HADHB: variants seen among roughly 807,000 people sequenced by gnomAD.
HADHB encodes the protein trifunctional enzyme subunit beta, mitochondrial.
HADHB carries 50 observed loss-of-function variants against 61.9 expected under a neutral mutation model. The ratio of observed to expected loss-of-function variants is 0.81; its 90% CI spans 0.64 to 1.02. The LOEUF is 1.02. Among genes scored for constraint, HADHB ranks in the 50% least tolerant of loss-of-function variants. The pLI, the probability that HADHB is intolerant of heterozygous loss-of-function variation, is 0.00. For synonymous variants in HADHB, 191 were observed against 201.6 expected (o/e 0.95, Z 0.45); for missense variants, 504 against 586.5 (o/e 0.86, Z 1.45).
intron 10 of HADHB, 147 bp from the exon 11 acceptor site, chr2:26,282,698 A>T (rs903681969): frequency 1.4e-6 from 1 of 700,444 alleles, no homozygotes. Context: ...TGATTTAATG[A>T]TGGATACAGT....
At chr2:26,261,034 C>T in intron 3 of HADHB, 1 of 1,517,286 alleles carries the variant, frequency 6.6e-7, no homozygotes, top group Non-Finnish European at 8.8e-7. Flanking sequence ...ACACTGGTTT[C>T]TGGTTGGCTC....
intron 1 of HADHB, among the ~76,000 whole-genome samples, chr2:26,246,493 C>A (rs1474661445): frequency 6.6e-6 from 1 of 151,990 alleles, no homozygotes; most frequent in Non-Finnish European, 1.5e-5. Context: ...GCGCACACCA[C>A]CACGCCGGGC....
chr2:26,285,255 C>T lies in HADHB; in HGVS notation c.1225-152C>T, dbSNP rs151041152. ...TGGACTCCTGACTTTTAATATTGACCTAGACTTACTTTCTTTTGCAGTAAA... is the reference window on the plus strand; with the variant it reads ...TGGACTCCTGACTTTTAATATTGACTTAGACTTACTTTCTTTTGCAGTAAA... On this transcript the variant is annotated intron_variant, in intron 14 of 15. Coordinates refer to ENST00000317799, the MANE Select transcript of HADHB (RefSeq NM_000183.3). 3,026 of 684,166 alleles carry T rather than the reference C, an allele frequency of 4.4e-3. 17 individuals carry two copies. Among genetic ancestry groups the T allele is most frequent in the Middle Eastern group, 0.011 (27 of 2,452 alleles). 42.4% of individuals were successfully genotyped at this position (684,166 alleles called of 1,614,324 possible).
intron 1 of HADHB, 87 bp downstream of exon 1, chr2:26,245,077 C>CT (rs1372544292): frequency 4.6e-6 from 1 of 216,848 alleles, no homozygotes; most frequent in Non-Finnish European, 9.6e-6. Flanking sequence ...CCGGTGCCCC[C>CT]GGCCCCCTCC....
rs569852035 is a variant in HADHB, at chr2:26,264,030, C to T, written c.209+551C>T. On this transcript the variant is annotated intron_variant, in intron 4 of 15. Transcript: ENST00000317799. ...GCCTTTTGTGCTTCTTTTCTGTCCC[C>T]GAGTGAAGGTTAGTCTATCCAAAAG... Among the ~76,000 whole-genome samples the T allele has an allele frequency of 7.9e-5, 12 of 152,110 alleles. No homozygotes were observed. The East Asian group carries it at 1.9e-3, about 24-fold the overall frequency.
Position 26,277,424 on chromosome 2 carries a change from C to T in HADHB, c.442+264C>T, listed in dbSNP as rs537065555. On this transcript the variant is annotated intron_variant, in intron 7 of 15. Coordinates refer to ENST00000317799, the MANE Select transcript of HADHB (RefSeq NM_000183.3). The stretch of plus-strand genomic sequence containing the variant: ...CTAATTTTTAAATTTTTTGTGGAGA[C>T]GGGATCTCGCCATGTTGCCCAGGCT... Among the ~76,000 whole-genome samples the T allele has an allele frequency of 5.9e-5, 9 of 151,738 alleles. No homozygotes were observed. The East Asian group carries it at 9.7e-4, about 16-fold the overall frequency.
intron 3 of HADHB, among the ~76,000 whole-genome samples, chr2:26,262,432 A>G (rs1039269135): frequency 2.6e-5 from 4 of 152,256 alleles, no homozygotes; most frequent in African/African-American, 4.8e-5. Flanking sequence ...TACACCAAAT[A>G]AACAGACTTT....
At position 26,284,218 on chromosome 2, in the gene HADHB, AAG is replaced by A; in HGVS notation, c.1149+16_1149+17del. ...GAAGCTTTCTCGGTAAGTAATTTGA[AAG>A]ACACATATGAAGGGACTATAGTCAT... On this transcript the variant is annotated intron_variant, in intron 13 of 15. Transcript: ENST00000317799. 7.5e-7 allele frequency: 1 copy of A among 1,324,838 alleles called. No homozygotes were observed. The highest frequency in any genetic ancestry group is 1.2e-5 in the South Asian group (1 of 85,306). The allele number at this position is 1,324,838 out of a possible 1,614,324, so 82.1% of individuals were successfully genotyped here. A position where few individuals can be genotyped will look rare whatever the true frequency, so the allele number is the denominator to read the frequency against.
At chr2:26,279,886 T>G (rs1574664123) in intron 9 of HADHB, 108 bp from the exon 10 acceptor site, 2 of 802,518 alleles carry the variant, frequency 2.5e-6, no homozygotes. Context: ...AGTGAATAGG[T>G]AAGGTTTATA....
Position 26,289,967 on chromosome 2 carries a change from A to G in HADHB, c.*14A>G, listed in dbSNP as rs1264224686. ...TATCCAAAATAATAGATCCAGAAGA[A>G]GTGACCTGAAGTTTCTGTGCAACAC... On this transcript the variant is annotated 3_prime_UTR_variant, in exon 16 of 16. Transcript: ENST00000317799. 1 of 1,576,618 alleles carries G rather than the reference A, an allele frequency of 6.3e-7. No individual in the cohort carries two copies.
At chr2:26,286,377 G>T (rs530664016) in intron 15 of HADHB, among the ~76,000 whole-genome samples, 14 of 152,260 alleles carry the variant, frequency 9.2e-5, no homozygotes, top group African/African-American at 3.4e-4. Flanking sequence ...CTGCTGTTCA[G>T]CTGGGGAAAT....
Position 26,263,465 on chromosome 2 carries a change from G to T in HADHB, c.195G>T (p.Leu65Phe), listed in dbSNP as rs1306632577. 6.2e-7 allele frequency: 1 copy of T among 1,601,570 alleles called. No homozygotes were observed. Among genetic ancestry groups the T allele is most frequent in the African/African-American group, 1.3e-5 (1 of 74,654 alleles). ...VVVDGVRTPF[L>F]LSGTSYKDLM... is the part of the protein sequence containing the mutation. ...TGGATGGTGTTCGCACTCCATTTTT[G>T]CTGTCTGGCACTTCGTAAGTATGAC... Residue 65 changes from leucine (L) to phenylalanine (F), a missense_variant, in exon 4 of 16, where the codon TTG becomes TTT. By Grantham distance (22) the Leu-to-Phe change is conservative. Coordinates refer to ENST00000317799, the MANE Select transcript of HADHB (RefSeq NM_000183.3).
Position 26,273,431 on chromosome 2 carries a change from A to G in HADHB, c.255-220A>G, listed in dbSNP as rs564146027. On this transcript the variant is annotated intron_variant, in intron 5 of 15. Coordinates refer to ENST00000317799, the MANE Select transcript of HADHB (RefSeq NM_000183.3). ...ATTATTTTTTATTCTCTAACTTCTC[A>G]TTACCAATTCAGCATCAAATGTTGA... 6.0e-4 allele frequency among the ~76,000 whole-genome samples: 92 copies of G among 152,242 alleles called. 2 individuals are homozygous for G. In the South Asian group the frequency reaches 0.018, roughly 30 times the overall value.
At chr2:26,289,670 CAT>C (rs995290442) in intron 15 of HADHB, among the ~76,000 whole-genome samples, 38 of 152,058 alleles carry the variant, frequency 2.5e-4, no homozygotes, top group African/African-American at 5.3e-4. Context: ...TATATACACA[CAT>C]ATACAAATAT....
intron 15 of HADHB, among the ~76,000 whole-genome samples, chr2:26,288,015 G>A (rs77795672): frequency 4.6e-5 from 7 of 152,090 alleles, no homozygotes; most frequent in Admixed American, 6.6e-5. Flanking sequence ...GCCTGTGATC[G>A]CAGCATTTTG....
intron 4 of HADHB, among the ~76,000 whole-genome samples, chr2:26,265,687 A>G (rs1166001024): frequency 6.6e-6 from 1 of 152,214 alleles, no homozygotes; most frequent in Non-Finnish European, 1.5e-5. Context: ...TAGTATTTGC[A>G]TGAAGTTTAA....
chr2:26,266,730 A>AT (rs1672094418), intron 4 of HADHB, among the ~76,000 whole-genome samples: 1 of 151,700 alleles, frequency 6.6e-6, no homozygotes, highest in African/African-American at 2.4e-5. Context: ...AAATACAAAA[A>AT]TTAGCCAGGC....
chr2:26,278,922 G>A, intron 8 of HADHB, 121 bp downstream of exon 8: 1 of 1,015,256 alleles, frequency 9.8e-7, no homozygotes, highest in Non-Finnish European at 1.6e-6. Context: ...TTAATTACTT[G>A]CTCAAGATGG....
intron 8 of HADHB, 25 bp downstream of exon 8, chr2:26,278,826 C>T (rs765246893): frequency 5.1e-6 from 8 of 1,576,272 alleles, no homozygotes; most frequent in Non-Finnish European, 7.0e-6. Flanking sequence ...TGCAGGGCAT[C>T]CCACTGCAGA....
Sources: allele counts gnomAD v4.1 joint callset (sites outside exome capture counted in the v4.1 genomes callset), GRCh38; gene constraint gnomAD v4.1.1; transcripts MANE v1.5; gene names NCBI Gene and HGNC (gene_info 2026-07-23, HGNC 2026-07-21).